The following PRDM4 variants were observed in gnomAD, a reference collection of about 807,000 sequenced individuals.
PRDM4 encodes PR domain zinc finger protein 4.
Under a neutral mutation model 62.3 loss-of-function variants are expected in PRDM4, and 38 were observed. The observed-to-expected ratio is 0.61, with a 90% CI of 0.47 to 0.80. The LOEUF (loss-of-function observed/expected upper bound fraction) is 0.80, where lower values mean the gene tolerates loss of function less well. Among genes scored for constraint, PRDM4 ranks in the 30% least tolerant of loss-of-function variants. The probability of loss-of-function intolerance (pLI) is 0.00; values close to 1 mark genes in which losing one functional copy is unlikely to be tolerated. For missense variants in PRDM4, 858 were observed against 997.1 expected (o/e 0.86, Z 1.88); for synonymous variants, 339 against 348.2 (o/e 0.97, Z 0.30).
rs766005446 is a variant in PRDM4, at chr12:107,734,569, C to G, written c.2094-47G>C. The stretch of plus-strand genomic sequence containing the variant: ...ACATTTGATTTGGGGTTACAAATAA[C>G]AACTGAGGCAACACTTATTCTTCAT... On this transcript the variant is annotated intron_variant, in intron 11 of 11. Transcript: ENST00000228437. 3 of 1,524,408 alleles carry G rather than the reference C, an allele frequency of 2.0e-6. No homozygotes were observed. In the South Asian group the frequency reaches 3.7e-5, roughly 19 times the overall value. The allele number at this position is 1,524,408 out of a possible 1,614,324, so 94.4% of individuals were successfully genotyped here.
intron 5 of PRDM4, among the ~76,000 whole-genome samples, chr12:107,749,262 A>G (rs780147464): frequency 6.6e-6 from 1 of 152,130 alleles, no homozygotes; most frequent in African/African-American, 2.4e-5. Context: ...AGACATCTCT[A>G]CTGGGTGTCT....
intron 11 of PRDM4, 106 bp downstream of exon 11, chr12:107,739,277 G>T: frequency 7.7e-7 from 1 of 1,302,104 alleles, no homozygotes; most frequent in Non-Finnish European, 1.1e-6. Context: ...ACCAAGGCAT[G>T]AAACAGATGA....
At chr12:107,758,912 G>A (rs1891143461) in intron 2 of PRDM4, among the ~76,000 whole-genome samples, 1 of 152,146 alleles carries the variant, frequency 6.6e-6, no homozygotes. Flanking sequence ...ACAGCTAGAA[G>A]CACCTGGCAA....
At chr12:107,741,556 A>C (rs1305802463) in intron 9 of PRDM4, among the ~76,000 whole-genome samples, 1 of 152,112 alleles carries the variant, frequency 6.6e-6, no homozygotes, top group African/African-American at 2.4e-5. Flanking sequence ...TAAAAAAAAA[A>C]AACTTAAAAA....
chr12:107,753,325 A>C (rs1340406321), intron 4 of PRDM4, among the ~76,000 whole-genome samples: 1 of 151,868 alleles, frequency 6.6e-6, no homozygotes, highest in Non-Finnish European at 1.5e-5. Flanking sequence ...GGAGTCCAGG[A>C]GTTCCAGTCC....
intron 2 of PRDM4, among the ~76,000 whole-genome samples, chr12:107,758,933 C>T (rs1891143983): frequency 6.6e-6 from 1 of 152,142 alleles, no homozygotes; most frequent in Admixed American, 6.5e-5. Flanking sequence ...ATGAGGTACA[C>T]CTTATGAAGA....
intron 10 of PRDM4, 74 bp from the exon 11 acceptor site, chr12:107,739,625 T>C (rs538536969): frequency 3.5e-6 from 5 of 1,444,798 alleles, no homozygotes; most frequent in African/African-American, 2.8e-5. Flanking sequence ...GGCACACATA[T>C]GTGCATGCAG....
rs11830999 is a variant in PRDM4 at position 107,751,899 on chromosome 12, C to A, written c.642G>T (p.Thr214=). The A allele has an allele frequency of 6.2e-7, 1 of 1,614,168 alleles. No homozygotes were observed. The highest frequency in any genetic ancestry group is 8.5e-7 in the Non-Finnish European group (1 of 1,180,042). Residue 214 remains threonine, a synonymous_variant, in exon 5 of 12, where the codon ACG becomes ACT. Transcript: ENST00000228437. The stretch of plus-strand genomic sequence containing the variant: ...AATGCTCGCCTGCAACACCGTCCAT[C>A]GTAAGCTCCTCTGCCATTCCATCTG... ...ISTDGMAEEL[T]MDGVAGEHSQ... is the part of the protein sequence containing the mutation.
At chr12:107,741,408 A>C in intron 9 of PRDM4, 148 bp from the exon 10 acceptor site, 2 of 761,284 alleles carry the variant, frequency 2.6e-6, no homozygotes, top group Non-Finnish European at 4.1e-6. Context: ...TACTAAGGGC[A>C]TCTAAAATAA....
intron 3 of PRDM4, among the ~76,000 whole-genome samples, chr12:107,754,550 T>G (rs1891004106): frequency 6.6e-6 from 1 of 152,024 alleles, no homozygotes; most frequent in Non-Finnish European, 1.5e-5. Context: ...ACCCAGCTAA[T>G]TTTTGTATTT....
chr12:107,738,016 C>G (rs964024174), intron 11 of PRDM4: 1 of 152,168 alleles, frequency 6.6e-6, no homozygotes, highest in Non-Finnish European at 1.5e-5. Flanking sequence ...TTCATTCTCT[C>G]AACAGAAACG....
chr12:107,739,355 ACGACGT>A, intron 11 of PRDM4, 22 bp downstream of exon 11: 1 of 1,604,572 alleles, frequency 6.2e-7, no homozygotes, highest in Non-Finnish European at 8.5e-7. Context: ...CACCTGAGGA[ACGACGT>A]CTTGGCTGCA....
chr12:107,745,470 C>T (rs527724797), intron 6 of PRDM4, among the ~76,000 whole-genome samples: 2 of 151,862 alleles, frequency 1.3e-5, no homozygotes, highest in Admixed American at 6.6e-5. Context: ...TGGAAGGTTG[C>T]GGCAGGATGA....
chr12:107,740,238 G>A (rs929902329), intron 10 of PRDM4, among the ~76,000 whole-genome samples: 3 of 152,166 alleles, frequency 2.0e-5, no homozygotes, highest in African/African-American at 4.8e-5. Flanking sequence ...TATAATCCTA[G>A]CATTTTGGGA....
intron 2 of PRDM4, among the ~76,000 whole-genome samples, chr12:107,759,341 A>G (rs1891156161): frequency 1.3e-5 from 2 of 152,222 alleles, no homozygotes; most frequent in South Asian, 2.1e-4. Flanking sequence ...AGTTGGTTTA[A>G]AACAGACTTT....
At chr12:107,749,001 A>T (rs1392795940) in intron 5 of PRDM4, among the ~76,000 whole-genome samples, 2 of 152,180 alleles carry the variant, frequency 1.3e-5, no homozygotes, top group African/African-American at 4.8e-5. Context: ...AAAGGTTAAA[A>T]CTAGTCTCTC....
At chr12:107,741,711 C>G (rs1400807001) in intron 9 of PRDM4, among the ~76,000 whole-genome samples, 1 of 152,170 alleles carries the variant, frequency 6.6e-6, no homozygotes, top group East Asian at 1.9e-4. Context: ...GAGACCTTAT[C>G]TCTAAATACA....
intron 2 of PRDM4, 148 bp downstream of exon 2, chr12:107,760,357 C>T (rs1348362378): frequency 4.0e-6 from 4 of 991,116 alleles, no homozygotes; most frequent in Non-Finnish European, 4.3e-6. Context: ...TTACATTCCA[C>T]CCAACACTAG....
At chr12:107,743,822 C>T (rs1409918436) in intron 7 of PRDM4, among the ~76,000 whole-genome samples, 1 of 152,112 alleles carries the variant, frequency 6.6e-6, no homozygotes, top group Non-Finnish European at 1.5e-5. Context: ...CATTAGAAAA[C>T]TAGAAAAATA....
Sources: gnomAD v4.1 joint callset for allele counts (sites outside exome capture counted in the v4.1 genomes callset) on GRCh38, gnomAD v4.1.1 for gene constraint, MANE v1.5 for transcripts, NCBI Gene and HGNC (gene_info 2026-07-23, HGNC 2026-07-21) for gene names.